PARD3B: variants seen among roughly 807,000 people sequenced by gnomAD.
PARD3B encodes the protein par-3 family cell polarity regulator beta, also known as partitioning defective 3 homolog B.
PARD3B carries 103 observed loss-of-function variants against 130.2 expected under a neutral mutation model. The ratio of observed to expected loss-of-function variants is 0.79; its 90% CI spans 0.67 to 0.93. The LOEUF (loss-of-function observed/expected upper bound fraction) is 0.93. Ranked by LOEUF, PARD3B falls within the 40% of genes least tolerant of loss-of-function variation. PARD3B has a pLI of 0.00. For missense variants in PARD3B, 1,609 were observed against 1,499.2 expected (o/e 1.07, Z -1.21); for synonymous variants, 583 against 553.2 (o/e 1.05, Z -0.76).
At position 205,244,437 on chromosome 2, in the gene PARD3B, C is replaced by G. The variant is rs542590038; in HGVS notation, c.2141-1341C>G. 1.3e-5 allele frequency among the ~76,000 whole-genome samples: 2 copies of G among 152,260 alleles called. No homozygotes were observed. Among genetic ancestry groups the G allele is most frequent in the South Asian group, 4.1e-4 (2 of 4,828 alleles). Reference sequence around the variant, plus strand: ...TGCAGAGATGCTTAAGGATTAAGAACTTTGCATCTGTGTTCATGAAGGATG... The same window carrying G: ...TGCAGAGATGCTTAAGGATTAAGAAGTTTGCATCTGTGTTCATGAAGGATG... On this transcript the variant is annotated intron_variant, in intron 15 of 22. Coordinates refer to ENST00000406610, the MANE Select transcript of PARD3B (RefSeq NM_001302769.2). This position sits in a 1 kb window ranked among gnomAD's most constrained non-coding sequence, Gnocchi z 4.7.
At chr2:205,030,871 C>A (rs1697366958) in intron 3 of PARD3B, among the ~76,000 whole-genome samples, 1 of 152,046 alleles carries the variant, frequency 6.6e-6, no homozygotes, top group Admixed American at 6.6e-5. Context: ...GGTCTGTTTA[C>A]CCAACCCTTG....
At chr2:204,878,482 C>A (rs922183925) in intron 2 of PARD3B, among the ~76,000 whole-genome samples, 3 of 152,024 alleles carry the variant, frequency 2.0e-5, no homozygotes, top group Non-Finnish European at 2.9e-5. Flanking sequence ...CTTCCAAATA[C>A]AGTCACAATT....
intron 2 of PARD3B, among the ~76,000 whole-genome samples, chr2:204,908,617 C>T (rs993849926): frequency 1.3e-5 from 2 of 152,110 alleles, no homozygotes; most frequent in East Asian, 1.9e-4. Context: ...AAAGAATACA[C>T]GAGACTGAAA....
chr2:205,033,776 T>C (rs750835809), intron 3 of PARD3B, among the ~76,000 whole-genome samples: 4 of 152,178 alleles, frequency 2.6e-5, no homozygotes, highest in Non-Finnish European at 4.4e-5. Flanking sequence ...TTGCCATAAA[T>C]CTTATGAATA....
In PARD3B at chr2:204,896,619, A is replaced by C. The variant is rs75337350; in HGVS notation, c.223-68533A>C. ...CCTGGAACATTGTAAGAGCTTAATAAATGTTAGCAATTAAAATCATCATCA... is the reference window on the plus strand; with the variant it reads ...CCTGGAACATTGTAAGAGCTTAATACATGTTAGCAATTAAAATCATCATCA... On this transcript the variant is annotated intron_variant, in intron 2 of 22. Coordinates refer to ENST00000406610, the MANE Select transcript of PARD3B (RefSeq NM_001302769.2). Among the ~76,000 whole-genome samples, 11 of 152,346 alleles carry C rather than the reference A, an allele frequency of 7.2e-5. 1 individual carries two copies. The East Asian group carries it at 2.1e-3, about 29-fold the overall frequency.
At chr2:204,644,221 T>C (rs980164244) in intron 1 of PARD3B, among the ~76,000 whole-genome samples, 3 of 152,166 alleles carry the variant, frequency 2.0e-5, no homozygotes, top group African/African-American at 4.8e-5. Flanking sequence ...CTTCCTGTTA[T>C]GTTTTCATGG....
Position 204,742,537 on chromosome 2 carries a change from T to C in PARD3B, c.222+56255T>C, listed in dbSNP as rs141266854. Among the ~76,000 whole-genome samples the C allele has an allele frequency of 2.0e-3, 307 of 152,284 alleles. 2 individuals carry two copies. Among genetic ancestry groups the C allele is most frequent in the African/African-American group, 7.1e-3 (295 of 41,574 alleles). ...CATCACTGGGGCAGCTGAGTGAGAA[T>C]AGAGCAAAAGCTGTTGCTCTGTCTA... On this transcript the variant is annotated intron_variant, in intron 2 of 22. Transcript: ENST00000406610.
rs568067624 is a variant in PARD3B, at chr2:205,084,198, T to C, written c.505-20228T>C. On this transcript the variant is annotated intron_variant, in intron 4 of 22. Coordinates refer to ENST00000406610, the MANE Select transcript of PARD3B (RefSeq NM_001302769.2). Reference sequence around the variant, plus strand: ...CTTTGCATTCTTATTGTATAATTGTTTTTCTGTTTTTTATCTTAATTTCTT... The same window carrying C: ...CTTTGCATTCTTATTGTATAATTGTCTTTCTGTTTTTTATCTTAATTTCTT... Among the ~76,000 whole-genome samples, 20 of 152,262 alleles carry C rather than the reference T, an allele frequency of 1.3e-4. 1 individual carries two copies. The highest frequency in any genetic ancestry group is 4.3e-4 in the African/African-American group (18 of 41,586).
intron 3 of PARD3B, among the ~76,000 whole-genome samples, chr2:205,043,844 T>C (rs908790120): frequency 1.1e-4 from 17 of 152,042 alleles, no homozygotes; most frequent in African/African-American, 1.2e-4. Flanking sequence ...TTAGGGTACA[T>C]GTGCACAATG....
chr2:204,593,039 T>G (rs901719587), intron 1 of PARD3B, among the ~76,000 whole-genome samples: 3 of 152,250 alleles, frequency 2.0e-5, no homozygotes, highest in Non-Finnish European at 2.9e-5. Context: ...TGGGGGACAT[T>G]TGGATTGTTT....
intron 2 of PARD3B, among the ~76,000 whole-genome samples, chr2:204,692,837 C>A (rs2037418711): frequency 6.6e-6 from 1 of 151,990 alleles, no homozygotes; most frequent in Admixed American, 6.6e-5. Context: ...ATTGTAGAAT[C>A]ATGGATCCAA....
In PARD3B at chr2:205,015,530, T is replaced by C. The variant is rs554518894; in HGVS notation, c.395-32051T>C. Among the ~76,000 whole-genome samples, 71 of 152,310 alleles carry C rather than the reference T, an allele frequency of 4.7e-4. No homozygotes were observed. Among genetic ancestry groups the C allele is most frequent in the Admixed American group, 1.2e-3 (18 of 15,304 alleles). ...TATTCATATAGGTATAACCCAGTCT[T>C]GAGCTTCACAACAAACAGGTATTGG... On this transcript the variant is annotated intron_variant, in intron 3 of 22. Transcript: ENST00000406610. The surrounding 1 kb of genome is among the most constrained non-coding windows in gnomAD (Gnocchi z 4.5).
chr2:204,651,719 G>A (rs1189130386), intron 1 of PARD3B, among the ~76,000 whole-genome samples: 1 of 152,156 alleles, frequency 6.6e-6, no homozygotes, highest in African/African-American at 2.4e-5. Context: ...CACTACCCCA[G>A]TAGAGATTCT....
chr2:204,563,994 T>G (rs1174632927), intron 1 of PARD3B, among the ~76,000 whole-genome samples: 1 of 152,170 alleles, frequency 6.6e-6, no homozygotes, highest in Non-Finnish European at 1.5e-5. Context: ...CAGGATGGTC[T>G]CGATCTCCTG....
At chr2:205,133,028 A>G (rs1453854765) in intron 10 of PARD3B, among the ~76,000 whole-genome samples, 5 of 152,166 alleles carry the variant, frequency 3.3e-5, no homozygotes, top group African/African-American at 1.2e-4. Context: ...GTCTGCATTC[A>G]GTATATTATT....
At chr2:204,563,867 G>A (rs563859424) in intron 1 of PARD3B, among the ~76,000 whole-genome samples, 2 of 152,066 alleles carry the variant, frequency 1.3e-5, no homozygotes, top group African/African-American at 2.4e-5. Flanking sequence ...TCCACCTCCC[G>A]GGTTCACGCC....
intron 3 of PARD3B, among the ~76,000 whole-genome samples, chr2:204,971,621 T>C (rs191037751): frequency 2.2e-3 from 309 of 139,666 alleles, no homozygotes; most frequent in Admixed American, 3.2e-3. Context: ...TGGGAGTCTG[T>C]TTTTTTTTTC....
At chr2:205,009,209 C>T (rs1695512506) in intron 3 of PARD3B, among the ~76,000 whole-genome samples, 2 of 152,168 alleles carry the variant, frequency 1.3e-5, no homozygotes, top group Admixed American at 1.3e-4. Context: ...TTGGTATCAT[C>T]TAAATATTTA....
At chr2:205,523,388 C>T (rs1316187447) in intron 21 of PARD3B, among the ~76,000 whole-genome samples, 1 of 151,604 alleles carries the variant, frequency 6.6e-6, no homozygotes, top group Non-Finnish European at 1.5e-5. Context: ...GGATTACAGG[C>T]GCCCACCACC....
Sources: allele counts gnomAD v4.1 joint callset (sites outside exome capture counted in the v4.1 genomes callset), GRCh38; gene constraint gnomAD v4.1.1; non-coding constraint Gnocchi (gnomAD v3.1); transcripts MANE v1.5; gene names NCBI Gene and HGNC (gene_info 2026-07-23, HGNC 2026-07-21).